The following ENDOU variants were observed in gnomAD, a reference collection of about 807,000 sequenced individuals.
ENDOU encodes endonuclease, poly(U) specific.
In ENDOU, 49 loss-of-function variants were observed where a neutral mutation model predicts 54.2. The ratio of observed to expected loss-of-function variants is 0.90; its 90% CI spans 0.72 to 1.15. The LOEUF (loss-of-function observed/expected upper bound fraction) is 1.15, where lower values mean the gene tolerates loss of function less well. Ranked by LOEUF, ENDOU falls within the 50% of genes most tolerant of loss-of-function variation. The pLI is 0.00. For synonymous variants in ENDOU, 172 were observed against 190.5 expected (o/e 0.90, Z 0.80); for missense variants, 458 against 511.4 (o/e 0.90, Z 1.01).
At chr12:47,716,555 C>T in intron 5 of ENDOU, 56 bp from the exon 6 acceptor site, 1 of 1,539,786 alleles carries the variant, frequency 6.5e-7, no homozygotes, top group Non-Finnish European at 8.9e-7. Context: ...GCAGCGACCC[C>T]TCCAGAGACT....
Position 47,711,763 on chromosome 12 carries a change from G to T in ENDOU, c.985C>A (p.Pro329Thr). The T allele has an allele frequency of 6.2e-7, 1 of 1,614,180 alleles. No homozygotes were observed. The highest frequency in any genetic ancestry group is 8.5e-7 in the Non-Finnish European group (1 of 1,180,038). The change falls in exon 9 of 10, where the codon CCC becomes ACC. Residue 329 changes from proline (P) to threonine (T), a missense_variant. Pro to Thr is a conservative substitution (Grantham distance 38). Transcript: ENST00000422538. The stretch of plus-strand genomic sequence containing the variant: ...TTGAACTGCATTGCCAGCACATCGG[G>T]GTAAGAATCCCACTGTGGAGGGAAG... ...HIYDGPWDSY[P>T]DVLAMQFNWD... is the part of the protein sequence containing the mutation.
In ENDOU at chr12:47,711,720, T is replaced by C; in HGVS notation, c.1028A>G (p.Lys343Arg). Residue 343 changes from lysine to arginine, a missense_variant, in exon 9 of 10, where the codon AAG becomes AGG. Transcript: ENST00000422538. Reference sequence around the variant, plus strand: ...GCCGATGAAAGCAGAGCCCACTTCCTTATAGTAGCCGTCCCAGTTGAACTG... The same window carrying C: ...GCCGATGAAAGCAGAGCCCACTTCCCTATAGTAGCCGTCCCAGTTGAACTG... ...AMQFNWDGYY[K>R]EVGSAFIGSS... 1.9e-6 allele frequency: 3 copies of C among 1,614,196 alleles called. No homozygotes were observed. In the South Asian group the frequency reaches 3.3e-5, roughly 18 times the overall value.
At chr12:47,713,110 A>G (rs2136668222) in intron 7 of ENDOU, among the ~76,000 whole-genome samples, 165 bp downstream of exon 7, 1 of 151,182 alleles carries the variant, frequency 6.6e-6, no homozygotes, top group African/African-American at 2.5e-5. Context: ...GGCTCCTCAG[A>G]CACCCCCCCG....
At chr12:47,714,939 A>G (rs1237844) in intron 6 of ENDOU, among the ~76,000 whole-genome samples, 114,611 of 152,198 alleles carry the variant, frequency 0.75, 43,528 homozygotes, top group East Asian at 0.83. Context: ...AAGACTACAT[A>G]AAATAACAGA....
At chr12:47,722,770 C>T (rs1001415205) in intron 1 of ENDOU, among the ~76,000 whole-genome samples, 5 of 152,184 alleles carry the variant, frequency 3.3e-5, no homozygotes, top group Admixed American at 6.5e-5. Flanking sequence ...ATCAGAGAGG[C>T]ATTGGGTCAA....
chr12:47,718,734 T>C (rs1189090560), intron 2 of ENDOU, among the ~76,000 whole-genome samples: 1 of 152,050 alleles, frequency 6.6e-6, no homozygotes, highest in Non-Finnish European at 1.5e-5. Context: ...GCTGCCCCTT[T>C]CCCTTCACCT....
At chr12:47,722,750 T>C (rs1390462336) in intron 1 of ENDOU, among the ~76,000 whole-genome samples, 3 of 152,198 alleles carry the variant, frequency 2.0e-5, no homozygotes, top group Non-Finnish European at 4.4e-5. Flanking sequence ...TACAGGTCTG[T>C]ATTCTTTACA....
intron 4 of ENDOU, 68 bp downstream of exon 4, chr12:47,717,450 C>T: frequency 1.3e-6 from 2 of 1,548,302 alleles, no homozygotes; most frequent in East Asian, 2.3e-5. Context: ...GTCCAGGGAC[C>T]ACATGTTGAG....
intron 2 of ENDOU, chr12:47,719,188 AT>A (rs1220518555): frequency 6.6e-6 from 1 of 152,038 alleles, no homozygotes; most frequent in African/African-American, 2.4e-5. Flanking sequence ...TGAAGATGAA[AT>A]GGCTACTACG....
intron 9 of ENDOU, 70 bp downstream of exon 9, chr12:47,711,561 CTT>C: frequency 6.5e-7 from 1 of 1,549,812 alleles, no homozygotes; most frequent in South Asian, 1.2e-5. Flanking sequence ...GTCCAGGTCT[CTT>C]GACTCTGTGA....
At position 47,710,797 on chromosome 12, in the gene ENDOU, T is replaced by G; in HGVS notation, c.*5A>C. 1 of 1,605,562 alleles carries G rather than the reference T, an allele frequency of 6.2e-7. No homozygotes were observed. The highest frequency in any genetic ancestry group is 8.5e-7 in the Non-Finnish European group (1 of 1,172,224). On this transcript the variant is annotated 3_prime_UTR_variant, in exon 10 of 10. Coordinates refer to ENST00000422538, the MANE Select transcript of ENDOU (RefSeq NM_001172439.2). ...CCTCATGCCCCTTTCTGGCTCGAAG[T>G]TCTATTAGGTGGAAGACACTATGTA...
rs114222802 is a variant in ENDOU at position 47,719,482 on chromosome 12, T to G, written c.178+1271A>C. ...TCATCTTGAATGGTAGCTCACATAA[T>G]TCCCATGTGTCACGGGAGGGACCTG... is the stretch of plus-strand genomic sequence containing the variant. On this transcript the variant is annotated intron_variant, in intron 2 of 9. Transcript: ENST00000422538. 195 of 152,324 alleles carry G rather than the reference T, an allele frequency of 1.3e-3. 1 individual carries two copies. Among genetic ancestry groups the G allele is most frequent in the African/African-American group, 4.5e-3 (187 of 41,562 alleles). 9.4% of individuals were successfully genotyped at this position (152,324 alleles called of 1,614,324 possible).
rs1033591044 is a variant in ENDOU at position 47,717,742 on chromosome 12, T to G, written c.245-87A>C. On this transcript the variant is annotated intron_variant, in intron 3 of 9. Coordinates refer to ENST00000422538, the MANE Select transcript of ENDOU (RefSeq NM_001172439.2). ...AGGCTGTCGCTCCCTAGCCTGGCTG[T>G]CTTCACTCTGCCCAGTAAAGATCTC... is the stretch of plus-strand genomic sequence containing the variant. 7.9e-6 allele frequency: 11 copies of G among 1,390,244 alleles called. No homozygotes were observed. In the East Asian group the frequency reaches 2.5e-4, roughly 32 times the overall value. The allele number at this position is 1,390,244 out of a possible 1,614,324, so 86.1% of individuals were successfully genotyped here. A position where few individuals can be genotyped will look rare whatever the true frequency, so the allele number is the denominator to read the frequency against.
intron 1 of ENDOU, among the ~76,000 whole-genome samples, chr12:47,724,327 C>A (rs1242141085): frequency 6.6e-6 from 1 of 152,202 alleles, no homozygotes; most frequent in Non-Finnish European, 1.5e-5. Flanking sequence ...GATGCACTAT[C>A]TCATCCATGG....
chr12:47,711,526 GC>G (rs1449023883), intron 9 of ENDOU, 106 bp downstream of exon 9: 7 of 1,311,962 alleles, frequency 5.3e-6, no homozygotes, highest in Non-Finnish European at 7.2e-6. Context: ...ATTTGTCCAA[GC>G]CCTCTCAGCC....
At chr12:47,716,239 C>T (rs1268094218) in intron 6 of ENDOU, 61 bp downstream of exon 6, 5 of 1,560,668 alleles carry the variant, frequency 3.2e-6, no homozygotes, top group African/African-American at 2.7e-5. Context: ...TCCCCTCCCC[C>T]GCCCACCTGG....
At chr12:47,719,876 G>A (rs1356495416) in intron 2 of ENDOU, 1 of 152,172 alleles carries the variant, frequency 6.6e-6, no homozygotes, top group Non-Finnish European at 1.5e-5. Context: ...GGCAAATTCA[G>A]AAAACACACT....
rs1176005322 is a variant in ENDOU, at chr12:47,720,857, G to T, written c.74C>A (p.Ala25Glu). The change falls in exon 2 of 10, where the codon GCA becomes GAA. Residue 25 changes from alanine to glutamate, a missense_variant. Transcript: ENST00000422538. ...GTTAAATTTCTCATTACATCGAGAT[G>T]CACAGGATTCTATTTTTCCTATGGG... ...LAWAGKIESC[A>E]SRCNEKFNRD... The T allele has an allele frequency of 2.0e-5, 30 of 1,535,998 alleles. No homozygotes were observed. Among genetic ancestry groups the T allele is most frequent in the Non-Finnish European group, 2.6e-5 (30 of 1,146,896 alleles).
intron 8 of ENDOU, among the ~76,000 whole-genome samples, 177 bp downstream of exon 8, chr12:47,712,339 G>A (rs903688301): frequency 3.9e-5 from 6 of 152,194 alleles, no homozygotes; most frequent in African/African-American, 1.4e-4. Flanking sequence ...TGTTTGGAAG[G>A]GAATTCCAGT....
Sources: gnomAD v4.1 joint callset for allele counts (sites outside exome capture counted in the v4.1 genomes callset) on GRCh38, gnomAD v4.1.1 for gene constraint, MANE v1.5 for transcripts, NCBI Gene and HGNC (gene_info 2026-07-23, HGNC 2026-07-21) for gene names.